The following KLHL29 variants were observed in gnomAD, a reference collection of about 807,000 sequenced individuals.
The protein encoded by KLHL29 is kelch-like protein 29.
KLHL29 carries 21 observed loss-of-function variants against 80.4 expected under a neutral mutation model. That is an observed-to-expected ratio of 0.26 (90% CI 0.19 to 0.38). KLHL29 has a LOEUF of 0.38. KLHL29 is among the 10% of genes least tolerant of loss of function. KLHL29 has a pLI of 1.00. For missense variants in KLHL29, 867 were observed against 1,223.9 expected, an observed-to-expected ratio of 0.71 and a Z score of 4.35; for synonymous variants, 511 against 526.8, an observed-to-expected ratio of 0.97 and a Z score of 0.41.
At chr2:23,391,227 G>T (rs1188147554) in intron 1 of KLHL29, among the ~76,000 whole-genome samples, 1 of 152,180 alleles carries the variant, frequency 6.6e-6, no homozygotes, top group Non-Finnish European at 1.5e-5. Context: ...CATGGGACAG[G>T]CTTTCCTTCC....
At chr2:23,408,263 T>TAAAAAAAAAAAAAAAAAAAAAAAA (rs55790582) in intron 1 of KLHL29, among the ~76,000 whole-genome samples, 2 of 52,678 alleles carry the variant, frequency 3.8e-5, no homozygotes, top group African/African-American at 1.3e-4. Flanking sequence ...CATTTCACGC[T>TAAAAAAAAAAAAAAAAAAAAAAAA]AAAAAAAAAA....
At chr2:23,575,175 A>T (rs1260215719) in intron 3 of KLHL29, among the ~76,000 whole-genome samples, 1 of 152,172 alleles carries the variant, frequency 6.6e-6, no homozygotes, top group Non-Finnish European at 1.5e-5. Context: ...GGCCCTTAAG[A>T]AAGAGGGTTG....
intron 1 of KLHL29, among the ~76,000 whole-genome samples, chr2:23,410,441 C>A (rs750265743): frequency 2.0e-5 from 3 of 151,960 alleles, no homozygotes; most frequent in Non-Finnish European, 4.4e-5. Flanking sequence ...TGGAAGGGGT[C>A]AGGTATATTG....
chr2:23,653,897 G>A lies in KLHL29; in HGVS notation c.940+11047G>A, dbSNP rs193153526. Among the ~76,000 whole-genome samples the A allele has an allele frequency of 6.2e-3, 949 of 152,262 alleles. 6 individuals are homozygous for A. Among genetic ancestry groups the A allele is most frequent in the Non-Finnish European group, 0.01 (697 of 68,004 alleles). On this transcript the variant is annotated intron_variant, in intron 5 of 13. Coordinates refer to ENST00000486442, the MANE Select transcript of KLHL29 (RefSeq NM_052920.2). ...TTGCCCAGCTTCGGCCAGGCACGGT[G>A]GCTCACAACCTATAATCCCAGCACT...
chr2:23,575,695 G>A (rs1212615622), intron 3 of KLHL29, among the ~76,000 whole-genome samples: 2 of 152,224 alleles, frequency 1.3e-5, no homozygotes, highest in Non-Finnish European at 2.9e-5. Flanking sequence ...GGAGACACAG[G>A]CCTGCCTCAG....
At chr2:23,639,055 G>A in intron 3 of KLHL29, 84 bp from the exon 4 acceptor site, 2 of 1,334,160 alleles carry the variant, frequency 1.5e-6, no homozygotes, top group Non-Finnish European at 2.0e-6. Flanking sequence ...TCTTGTTTTG[G>A]AGGCTAGGTC....
intron 1 of KLHL29, among the ~76,000 whole-genome samples, chr2:23,386,001 A>G (rs964122711): frequency 9.3e-5 from 14 of 150,194 alleles, no homozygotes; most frequent in Middle Eastern, 3.2e-3. Flanking sequence ...GGGGAAAAAA[A>G]GGGGGGGAAA....
intron 5 of KLHL29, among the ~76,000 whole-genome samples, chr2:23,673,185 G>C (rs1053576372): frequency 6.6e-6 from 1 of 151,064 alleles, no homozygotes; most frequent in Non-Finnish European, 1.5e-5. Context: ...ACGCACCCAT[G>C]CCACATGCTG....
chr2:23,470,445 A>G (rs1432268979), intron 1 of KLHL29, among the ~76,000 whole-genome samples: 1 of 152,182 alleles, frequency 6.6e-6, no homozygotes. Flanking sequence ...TTGCTGTGTG[A>G]CTTTGGACAA....
intron 3 of KLHL29, among the ~76,000 whole-genome samples, chr2:23,633,459 A>G (rs1359307913): frequency 6.6e-6 from 1 of 152,098 alleles, no homozygotes; most frequent in African/African-American, 2.4e-5. Flanking sequence ...AAATGGTAAG[A>G]TACACAGTAG....
intron 2 of KLHL29, among the ~76,000 whole-genome samples, chr2:23,549,910 A>G (rs1403370096): frequency 1.3e-5 from 2 of 152,186 alleles, no homozygotes; most frequent in Non-Finnish European, 2.9e-5. Flanking sequence ...ACCCATCTTA[A>G]TTAGACACTG....
chr2:23,703,571 C>G, intron 12 of KLHL29, 148 bp from the exon 13 acceptor site: 1 of 1,121,406 alleles, frequency 8.9e-7, no homozygotes, highest in Non-Finnish European at 1.2e-6. Context: ...GCTCCAGGTT[C>G]CCCTAGGCCC....
chr2:23,495,988 C>T (rs1181606129), intron 2 of KLHL29, among the ~76,000 whole-genome samples: 4 of 152,232 alleles, frequency 2.6e-5, no homozygotes, highest in East Asian at 3.8e-4. Flanking sequence ...TGGCCAGCGC[C>T]GCTCTGCTCC....
chr2:23,507,255 A>G (rs932235306), intron 2 of KLHL29: 1 of 226,106 alleles, frequency 4.4e-6, no homozygotes, highest in African/African-American at 2.3e-5. Context: ...AGGCAGGAAA[A>G]TAAATAGCAG....
Position 23,529,792 on chromosome 2 carries a change from C to T in KLHL29, c.-45-32360C>T, listed in dbSNP as rs191255337. On this transcript the variant is annotated intron_variant, in intron 2 of 13. Coordinates refer to ENST00000486442, the MANE Select transcript of KLHL29 (RefSeq NM_052920.2). ...GGGTTCATGGAGGCAGGGCTGAGCC[C>T]GCCACCCGTCCTGAGACAGCCTGGG... 2.2e-3 allele frequency among the ~76,000 whole-genome samples: 335 copies of T among 152,140 alleles called. 3 individuals are homozygous for T. Among genetic ancestry groups the T allele is most frequent in the African/African-American group, 7.5e-3 (310 of 41,498 alleles).
Position 23,680,309 on chromosome 2 carries a change from C to A in KLHL29, c.941-4090C>A, listed in dbSNP as rs1376520693. Among the ~76,000 whole-genome samples the A allele has an allele frequency of 6.6e-6, 1 of 151,970 alleles. No homozygotes were observed. The highest frequency in any genetic ancestry group is 2.1e-4 in the South Asian group (1 of 4,820). On this transcript the variant is annotated intron_variant, in intron 5 of 13. Transcript: ENST00000486442. This position sits in a 1 kb window ranked among gnomAD's most constrained non-coding sequence, Gnocchi z 4.1. Reference sequence around the variant, plus strand: ...ATTGCGGGCAGTGGACCGTCTTCCACGGGAAGAGGAGCTCCATGCTGGGCG... The same window carrying A: ...ATTGCGGGCAGTGGACCGTCTTCCAAGGGAAGAGGAGCTCCATGCTGGGCG...
chr2:23,572,890 C>T (rs1396681251), intron 3 of KLHL29, among the ~76,000 whole-genome samples: 4 of 152,134 alleles, frequency 2.6e-5, no homozygotes, highest in African/African-American at 4.8e-5. Context: ...TTAGTAGAGA[C>T]GGGGTTTCAC....
At chr2:23,598,498 A>G (rs912690653) in intron 3 of KLHL29, among the ~76,000 whole-genome samples, 1 of 152,244 alleles carries the variant, frequency 6.6e-6, no homozygotes, top group African/African-American at 2.4e-5. Flanking sequence ...TTCCCTGCCA[A>G]TCACGTTCCC....
chr2:23,669,493 GA>G lies in KLHL29; in HGVS notation c.941-14904del, dbSNP rs1464332317. 2.0e-5 allele frequency: 3 copies of G among 152,330 alleles called. No individual in the cohort carries two copies. The highest frequency in any genetic ancestry group is 4.4e-5 in the Non-Finnish European group (3 of 68,084). The allele number at this position is 152,330 out of a possible 1,614,324, so 9.4% of individuals were successfully genotyped here. A position where few individuals can be genotyped will look rare whatever the true frequency, so the allele number is the denominator to read the frequency against. On this transcript the variant is annotated intron_variant, in intron 5 of 13. Coordinates refer to ENST00000486442, the MANE Select transcript of KLHL29 (RefSeq NM_052920.2). The surrounding 1 kb of genome is among the most constrained non-coding windows in gnomAD (Gnocchi z 4.3). Reference sequence around the variant, plus strand: ...CAGAGTAGATAACTGTACATGCAGAGAAGACTCCCTAGGGCAGAAAGCCAGA... The same window carrying G: ...CAGAGTAGATAACTGTACATGCAGAGAGACTCCCTAGGGCAGAAAGCCAGA...
Sources: allele counts gnomAD v4.1 joint callset (sites outside exome capture counted in the v4.1 genomes callset), GRCh38; gene constraint gnomAD v4.1.1; non-coding constraint Gnocchi (gnomAD v3.1); transcripts MANE v1.5; gene names NCBI Gene and HGNC (gene_info 2026-07-23, HGNC 2026-07-21).